PACS1: variants seen among roughly 807,000 people sequenced by gnomAD.
PACS1 encodes PACS-1.
In PACS1, 24 loss-of-function variants were observed where a neutral mutation model predicts 115.0. The ratio of observed to expected loss-of-function variants is 0.21; its 90% CI spans 0.15 to 0.29. The LOEUF is 0.29. Among genes scored for constraint, PACS1 ranks in the 10% least tolerant of loss-of-function variants. The probability of loss-of-function intolerance (pLI) is 1.00; values close to 1 mark genes in which losing one functional copy is unlikely to be tolerated. For synonymous variants in PACS1, 453 were observed against 504.5 expected, an observed-to-expected ratio of 0.90 and a Z score of 1.37; for missense variants, 838 against 1,251.2, an observed-to-expected ratio of 0.67 and a Z score of 4.98.
chr11:66,230,783 C>G (rs781778799), intron 12 of PACS1, 22 bp from the exon 13 acceptor site: 2 of 1,613,948 alleles, frequency 1.2e-6, no homozygotes, highest in Non-Finnish European at 1.7e-6. Context: ...ATTTCACCAG[C>G]CTTTTTCCAC....
At chr11:66,084,773 C>T (rs1048602969) in intron 1 of PACS1, among the ~76,000 whole-genome samples, 10 of 152,142 alleles carry the variant, frequency 6.6e-5, no homozygotes, top group African/African-American at 1.9e-4. Context: ...TTTATCTTAG[C>T]GACTTTCTGT....
chr11:66,081,065 C>CA (rs1261269669), intron 1 of PACS1, among the ~76,000 whole-genome samples: 1 of 151,412 alleles, frequency 6.6e-6, no homozygotes, highest in Non-Finnish European at 1.5e-5. Flanking sequence ...CCCGTCTGTA[C>CA]AAAAAATAGA....
chr11:66,110,989 C>T (rs1007844879), intron 1 of PACS1, among the ~76,000 whole-genome samples: 1 of 152,180 alleles, frequency 6.6e-6, no homozygotes, highest in Non-Finnish European at 1.5e-5. Flanking sequence ...TATCCTGGTA[C>T]GCTGCTAGAG....
At chr11:66,183,181 T>C (rs1488929596) in intron 1 of PACS1, among the ~76,000 whole-genome samples, 1 of 152,148 alleles carries the variant, frequency 6.6e-6, no homozygotes, top group East Asian at 1.9e-4. Flanking sequence ...TGTTTCACAA[T>C]CAAAATTATG....
intron 1 of PACS1, among the ~76,000 whole-genome samples, chr11:66,121,814 G>T (rs571781340): frequency 6.6e-6 from 1 of 152,322 alleles, no homozygotes; most frequent in African/African-American, 2.4e-5. Context: ...AGCTAGCAGA[G>T]GTTGGTTCAT....
At chr11:66,198,520 G>A (rs1321771837) in intron 2 of PACS1, among the ~76,000 whole-genome samples, 1 of 143,528 alleles carries the variant, frequency 7.0e-6, no homozygotes, top group African/African-American at 2.5e-5. Context: ...ACCACATATT[G>A]TATGATTCCA....
intron 1 of PACS1, among the ~76,000 whole-genome samples, chr11:66,145,872 A>G (rs1201349680): frequency 6.6e-6 from 1 of 152,194 alleles, no homozygotes; most frequent in African/African-American, 2.4e-5. Flanking sequence ...AAATAAAAAC[A>G]AGAATTTGAA....
At chr11:66,207,633 G>A (rs893364551) in intron 2 of PACS1, among the ~76,000 whole-genome samples, 4 of 152,156 alleles carry the variant, frequency 2.6e-5, no homozygotes, top group African/African-American at 7.2e-5. Context: ...TCGAGCTTCC[G>A]GGTGTCCTGA....
intron 11 of PACS1, 139 bp downstream of exon 11, chr11:66,227,723 C>G (rs1050556249): frequency 3.5e-6 from 2 of 566,814 alleles, no homozygotes; most frequent in African/African-American, 3.8e-5. Flanking sequence ...CACTCTCTTT[C>G]TCCTGAAATC....
chr11:66,117,715 G>A (rs1043553504), intron 1 of PACS1, among the ~76,000 whole-genome samples: 5 of 151,648 alleles, frequency 3.3e-5, no homozygotes, highest in Non-Finnish European at 5.9e-5. Flanking sequence ...GCATAGTGGC[G>A]CATGCCTGTA....
chr11:66,211,052 C>A, intron 3 of PACS1, 82 bp from the exon 4 acceptor site: 1 of 1,500,968 alleles, frequency 6.7e-7, no homozygotes, highest in Non-Finnish European at 9.2e-7. Flanking sequence ...AATTGAAGCA[C>A]AGAAAGACTG....
chr11:66,070,699 TACCTCC>T lies in PACS1; in HGVS notation c.221_226del (p.Thr74_Ser75del), dbSNP rs1199873214. On this transcript the variant is annotated inframe_deletion, in exon 1 of 24. Transcript: ENST00000320580. This position sits in a 1 kb window ranked among gnomAD's most constrained non-coding sequence, Gnocchi z 5.9. ...CGGCTGCCTCCTCCTCGTCCTCGTC[TACCTCC>T]ACCTCCATGGCCGTGGCGGTGGCCT... 2.5e-6 allele frequency: 4 copies of T among 1,580,424 alleles called. No homozygotes were observed. The highest frequency in any genetic ancestry group is 2.6e-6 in the Non-Finnish European group (3 of 1,170,794).
intron 7 of PACS1, 91 bp from the exon 8 acceptor site, chr11:66,219,655 G>A (rs768458889): frequency 4.8e-5 from 46 of 950,654 alleles, no homozygotes; most frequent in East Asian, 4.8e-4. Context: ...CCCACAGCTC[G>A]TCATGAAAGT....
chr11:66,174,041 ACT>A (rs1160620890), intron 1 of PACS1, among the ~76,000 whole-genome samples: 3 of 151,882 alleles, frequency 2.0e-5, no homozygotes, highest in East Asian at 3.9e-4. Context: ...ACGGAGCAAG[ACT>A]CTGTCTCAAA....
At chr11:66,111,415 C>G (rs779500490) in intron 1 of PACS1, among the ~76,000 whole-genome samples, 21 of 152,178 alleles carry the variant, frequency 1.4e-4, no homozygotes, top group Non-Finnish European at 2.8e-4. Context: ...ATATCAGACA[C>G]GTGGCACTGA....
chr11:66,071,272 A>G (rs1857306895), intron 1 of PACS1, among the ~76,000 whole-genome samples: 2 of 152,204 alleles, frequency 1.3e-5, no homozygotes, highest in Non-Finnish European at 2.9e-5. Flanking sequence ...CACCTCTTGC[A>G]GGTAAAGCTC....
At chr11:66,142,660 G>A (rs1859022578) in intron 1 of PACS1, among the ~76,000 whole-genome samples, 3 of 150,468 alleles carry the variant, frequency 2.0e-5, no homozygotes, top group South Asian at 4.2e-4. Context: ...AGATAATTAC[G>A]TTGAAACCTG....
intron 1 of PACS1, among the ~76,000 whole-genome samples, chr11:66,137,932 A>G (rs1266040786): frequency 1.3e-5 from 2 of 152,040 alleles, no homozygotes; most frequent in African/African-American, 4.8e-5. Context: ...GGGTTTCACC[A>G]TGTTGGCCAG....
Position 66,235,431 on chromosome 11 carries a change from A to C in PACS1, c.2207+28A>C. ...AAGTTTGACTTTGAGGGGTTTCTTA[A>C]AAATAGGTTGGGTGGGTTAGAGGAA... is the stretch of plus-strand genomic sequence containing the variant. On this transcript the variant is annotated intron_variant, in intron 18 of 23. Coordinates refer to ENST00000320580, the MANE Select transcript of PACS1 (RefSeq NM_018026.4). The surrounding 1 kb of genome is among the most constrained non-coding windows in gnomAD (Gnocchi z 5.6). 1 of 1,508,604 alleles carries C rather than the reference A, an allele frequency of 6.6e-7. No individual in the cohort carries two copies. The highest frequency in any genetic ancestry group is 9.2e-7 in the Non-Finnish European group (1 of 1,084,556). 93.5% of individuals were successfully genotyped at this position (1,508,604 alleles called of 1,614,324 possible).
Sources: gnomAD v4.1 joint callset for allele counts (sites outside exome capture counted in the v4.1 genomes callset) on GRCh38, gnomAD v4.1.1 for gene constraint, Gnocchi (gnomAD v3.1) non-coding constraint, MANE v1.5 for transcripts, NCBI Gene and HGNC (gene_info 2026-07-23, HGNC 2026-07-21) for gene names.